ACOT7: variants seen among roughly 807,000 people sequenced by gnomAD.
ACOT7 encodes cytosolic acyl coenzyme A thioester hydrolase.
ACOT7 carries 12 observed loss-of-function variants against 40.2 expected under a neutral mutation model. That is an observed-to-expected ratio of 0.30 (90% CI 0.19 to 0.48). The LOEUF (loss-of-function observed/expected upper bound fraction) is 0.48, where lower values mean the gene tolerates loss of function less well. Among genes scored for constraint, ACOT7 ranks in the 20% least tolerant of loss-of-function variants. The pLI, the probability that ACOT7 is intolerant of heterozygous loss-of-function variation, is 0.99. For synonymous variants in ACOT7, 228 were observed against 219.5 expected, an observed-to-expected ratio of 1.04 and a Z score of -0.34; for missense variants, 395 against 530.8, an observed-to-expected ratio of 0.74 and a Z score of 2.51.
intron 6 of ACOT7, among the ~76,000 whole-genome samples, chr1:6,317,539 G>A (rs1640526866): frequency 6.6e-6 from 1 of 152,094 alleles, no homozygotes; most frequent in African/African-American, 2.4e-5. Flanking sequence ...TTATTAACGA[G>A]TCACTGCCGG....
chr1:6,389,035 C>T lies in ACOT7; in HGVS notation c.143+4222G>A, dbSNP rs533466247. Among the ~76,000 whole-genome samples the T allele has an allele frequency of 4.1e-3, 615 of 149,798 alleles. 3 individuals are homozygous for T. The highest frequency in any genetic ancestry group is 0.012 in the South Asian group (58 of 4,746). ...CAGCCTGGGCAACAGAGTGAGACTCCGTCTCAAGAAAAAAAAAAAAAAAAG... is the reference window on the plus strand; with the variant it reads ...CAGCCTGGGCAACAGAGTGAGACTCTGTCTCAAGAAAAAAAAAAAAAAAAG... On this transcript the variant is annotated intron_variant, in intron 1 of 8. Coordinates refer to ENST00000361521, the MANE Select transcript of ACOT7 (RefSeq NM_007274.4).
intron 6 of ACOT7, among the ~76,000 whole-genome samples, chr1:6,300,283 G>A (rs1329617770): frequency 2.6e-5 from 4 of 152,164 alleles, no homozygotes; most frequent in African/African-American, 9.7e-5. Context: ...GGGTCCTGAT[G>A]CTGCTGGGGG....
chr1:6,334,345 G>A lies in ACOT7; in HGVS notation c.419-777C>T, dbSNP rs537765412. Among the ~76,000 whole-genome samples the A allele has an allele frequency of 1.0e-3, 152 of 152,342 alleles. 1 individual carries two copies. Among genetic ancestry groups the A allele is most frequent in the South Asian group, 6.0e-3 (29 of 4,822 alleles). On this transcript the variant is annotated intron_variant, in intron 3 of 8. Coordinates refer to ENST00000361521, the MANE Select transcript of ACOT7 (RefSeq NM_007274.4). ...TGTCTAAGCACTGCCAAGAACTCCCGCCAAACGGGGAAGCCCAGAAAGACA... is the reference window on the plus strand; with the variant it reads ...TGTCTAAGCACTGCCAAGAACTCCCACCAAACGGGGAAGCCCAGAAAGACA...
At chr1:6,348,718 C>T (rs985654877) in intron 2 of ACOT7, among the ~76,000 whole-genome samples, 1 of 152,248 alleles carries the variant, frequency 6.6e-6, no homozygotes, top group Non-Finnish European at 1.5e-5. Flanking sequence ...GTGAGAAATG[C>T]ATTTCCATTG....
At chr1:6,317,287 A>G (rs1458669726) in intron 6 of ACOT7, among the ~76,000 whole-genome samples, 1 of 152,236 alleles carries the variant, frequency 6.6e-6, no homozygotes, top group African/African-American at 2.4e-5. Flanking sequence ...CTTCTTCAAA[A>G]TTACAGTAGC....
intron 1 of ACOT7, among the ~76,000 whole-genome samples, chr1:6,371,707 G>A (rs1007791209): frequency 5.9e-5 from 9 of 152,040 alleles, no homozygotes; most frequent in African/African-American, 2.2e-4. Context: ...AGCTATGAAA[G>A]TCCTAGATGT....
chr1:6,360,666 C>T (rs1641869963), intron 1 of ACOT7: 1 of 1,614,200 alleles, frequency 6.2e-7, no homozygotes, highest in African/African-American at 1.3e-5. Flanking sequence ...CTCCCCACGT[C>T]TCCTGTCGGC....
Position 6,299,661 on chromosome 1 carries a change from C to A in ACOT7, c.713-4681G>T, listed in dbSNP as rs1038511385. On this transcript the variant is annotated intron_variant, in intron 6 of 8. Coordinates refer to ENST00000361521, the MANE Select transcript of ACOT7 (RefSeq NM_007274.4). The surrounding 1 kb of genome is among the most constrained non-coding windows in gnomAD (Gnocchi z 4.1). Reference sequence around the variant, plus strand: ...GCTTCAGAGAGAGAGAGAGAGAGAGCGCAAGTGTGTGTGTGTGTGTGTGTG... The same window carrying A: ...GCTTCAGAGAGAGAGAGAGAGAGAGAGCAAGTGTGTGTGTGTGTGTGTGTG... Among the ~76,000 whole-genome samples the A allele has an allele frequency of 7.2e-6, 1 of 138,600 alleles. No individual in the cohort carries two copies. The highest frequency in any genetic ancestry group is 2.9e-5 in the African/African-American group (1 of 34,084). 90.9% of individuals were successfully genotyped at this position (138,600 alleles called of 152,430 possible).
chr1:6,356,735 G>A (rs924147468), intron 1 of ACOT7, among the ~76,000 whole-genome samples: 1 of 151,950 alleles, frequency 6.6e-6, no homozygotes, highest in Non-Finnish European at 1.5e-5. Flanking sequence ...TGGCCAACAT[G>A]GTGAAACCCC....
chr1:6,340,119 C>T (rs984172546), intron 2 of ACOT7, among the ~76,000 whole-genome samples: 1 of 152,130 alleles, frequency 6.6e-6, no homozygotes, highest in Non-Finnish European at 1.5e-5. Flanking sequence ...GCGCCCGCCA[C>T]CATGCCCGGC....
intron 3 of ACOT7, among the ~76,000 whole-genome samples, chr1:6,339,028 G>A (rs964784232): frequency 6.6e-6 from 1 of 152,168 alleles, no homozygotes; most frequent in African/African-American, 2.4e-5. Flanking sequence ...GTCCTCTCTG[G>A]AGCCAACACC....
At chr1:6,379,522 G>A (rs1642296696) in intron 1 of ACOT7, among the ~76,000 whole-genome samples, 1 of 151,588 alleles carries the variant, frequency 6.6e-6, no homozygotes, top group African/African-American at 2.4e-5. Context: ...CAGTGCTGTG[G>A]TCTCTAACTC....
At chr1:6,385,404 T>C in intron 1 of ACOT7, 1 of 1,468,928 alleles carries the variant, frequency 6.8e-7, no homozygotes, top group African/African-American at 1.4e-5. Flanking sequence ...TCCCCAAAAC[T>C]CCTCCAAGTT....
rs117748074 is a variant in ACOT7, at chr1:6,264,553, C to T, written c.*44G>A. 9.5e-3 allele frequency: 14,925 copies of T among 1,577,384 alleles called. 142 individuals are homozygous for T. The highest frequency in any genetic ancestry group is 0.028 in the South Asian group (2,431 of 87,514). On this transcript the variant is annotated 3_prime_UTR_variant, in exon 9 of 9. Transcript: ENST00000361521. The stretch of plus-strand genomic sequence containing the variant: ...CTTCTAAGTGACTGGACACTGGGCC[C>T]GTTGCCATGGCTACTCGAGGCACCA...
At chr1:6,293,571 C>T (rs377229989) in intron 7 of ACOT7, among the ~76,000 whole-genome samples, 19 of 152,296 alleles carry the variant, frequency 1.2e-4, no homozygotes, top group Admixed American at 5.9e-4. Flanking sequence ...TGTGGTGGTG[C>T]ATGTCTGTAG....
chr1:6,385,437 C>T (rs1642419123), intron 1 of ACOT7: 2 of 1,558,852 alleles, frequency 1.3e-6, no homozygotes, highest in Non-Finnish European at 8.7e-7. Context: ...GCCCTGGCTG[C>T]CCAGTCGGCG....
chr1:6,378,600 A>G (rs1179994750), intron 1 of ACOT7, among the ~76,000 whole-genome samples: 1 of 151,960 alleles, frequency 6.6e-6, no homozygotes, highest in Non-Finnish European at 1.5e-5. Context: ...CCTGAGGCCA[A>G]AGGATTCAAG....
At chr1:6,374,758 A>G (rs996685017) in intron 1 of ACOT7, among the ~76,000 whole-genome samples, 4 of 152,314 alleles carry the variant, frequency 2.6e-5, no homozygotes, top group East Asian at 3.9e-4. Context: ...GACACCCTAC[A>G]CTATTCCACA....
intron 5 of ACOT7, among the ~76,000 whole-genome samples, chr1:6,322,187 G>A (rs1332770787): frequency 1.5e-5 from 2 of 132,424 alleles, no homozygotes; most frequent in Non-Finnish European, 3.1e-5. Context: ...TCGCGACCCT[G>A]CACGCCAGCT....
Sources: allele counts gnomAD v4.1 joint callset (sites outside exome capture counted in the v4.1 genomes callset), GRCh38; gene constraint gnomAD v4.1.1; non-coding constraint Gnocchi (gnomAD v3.1); transcripts MANE v1.5; gene names NCBI Gene and HGNC (gene_info 2026-07-23, HGNC 2026-07-21).